The following SEMA3C variants were observed in gnomAD, a reference collection of about 807,000 sequenced individuals.
The protein encoded by SEMA3C is semaphorin-3C.
In SEMA3C, 47 loss-of-function variants were observed where a neutral mutation model predicts 89.4. The observed-to-expected ratio is 0.53, with a 90% CI of 0.42 to 0.67. The LOEUF (loss-of-function observed/expected upper bound fraction) is 0.67. Ranked by LOEUF, SEMA3C falls within the 30% of genes least tolerant of loss-of-function variation. The probability of loss-of-function intolerance (pLI) is 0.00; values close to 1 mark genes in which losing one functional copy is unlikely to be tolerated. For synonymous variants in SEMA3C, 310 were observed against 320.2 expected, an observed-to-expected ratio of 0.97 and a Z score of 0.34; for missense variants, 839 against 929.1, an observed-to-expected ratio of 0.90 and a Z score of 1.26.
intron 2 of SEMA3C, among the ~76,000 whole-genome samples, chr7:80,868,772 A>G (rs917997138): frequency 1.3e-5 from 2 of 152,148 alleles, no homozygotes; most frequent in Non-Finnish European, 2.9e-5. Flanking sequence ...AGGAAACCAC[A>G]GCTGATTACT....
intron 10 of SEMA3C, among the ~76,000 whole-genome samples, chr7:80,799,759 CAGA>C (rs1348191016): frequency 1.3e-5 from 2 of 151,684 alleles, no homozygotes; most frequent in East Asian, 1.9e-4. Context: ...GCGACCGAGG[CAGA>C]AGAACTGTTT....
intron 9 of SEMA3C, among the ~76,000 whole-genome samples, chr7:80,802,335 T>C (rs138732038): frequency 8.9e-4 from 136 of 152,258 alleles, no homozygotes; most frequent in African/African-American, 3.1e-3. Flanking sequence ...TTAGATATTC[T>C]AATATACATG....
intron 5 of SEMA3C, among the ~76,000 whole-genome samples, chr7:80,812,821 C>T (rs1789500099): frequency 1.3e-5 from 2 of 152,118 alleles, no homozygotes; most frequent in Admixed American, 1.3e-4. Flanking sequence ...GGGTCTAGCT[C>T]TGTCACCTGG....
chr7:80,791,238 G>T (rs1167362078), intron 11 of SEMA3C, among the ~76,000 whole-genome samples: 2 of 152,084 alleles, frequency 1.3e-5, no homozygotes, highest in African/African-American at 4.8e-5. Flanking sequence ...GGTAGGCTGG[G>T]AACTGCTGAA....
At chr7:80,752,982 T>A (rs1032061064) in intron 15 of SEMA3C, among the ~76,000 whole-genome samples, 4 of 152,172 alleles carry the variant, frequency 2.6e-5, no homozygotes, top group Non-Finnish European at 5.9e-5. Flanking sequence ...ACACAGTAGA[T>A]ATTAAACTTA....
At chr7:80,900,195 G>C (rs1433003557) in intron 2 of SEMA3C, among the ~76,000 whole-genome samples, 1 of 151,656 alleles carries the variant, frequency 6.6e-6, no homozygotes, top group African/African-American at 2.4e-5. Flanking sequence ...CTCATTGCAA[G>C]CTCCACCTCC....
At chr7:80,884,159 GA>G (rs1188317714) in intron 2 of SEMA3C, among the ~76,000 whole-genome samples, 1 of 152,040 alleles carries the variant, frequency 6.6e-6, no homozygotes, top group Non-Finnish European at 1.5e-5. Flanking sequence ...AAATTTACCC[GA>G]TTTTATATGC....
chr7:80,832,358 T>G (rs1444144436), intron 2 of SEMA3C, among the ~76,000 whole-genome samples: 4 of 152,206 alleles, frequency 2.6e-5, no homozygotes, highest in African/African-American at 9.6e-5. Flanking sequence ...GAACTCAAAG[T>G]ATGTTCCACC....
At chr7:80,818,819 C>T (rs998732849) in intron 4 of SEMA3C, among the ~76,000 whole-genome samples, 1 of 152,126 alleles carries the variant, frequency 6.6e-6, no homozygotes, top group Non-Finnish European at 1.5e-5. Flanking sequence ...AGTATATTTG[C>T]ACCTCTTAAA....
intron 4 of SEMA3C, among the ~76,000 whole-genome samples, chr7:80,823,547 T>C (rs1562891880): frequency 1.3e-5 from 2 of 152,220 alleles, no homozygotes; most frequent in East Asian, 1.9e-4. Context: ...GACACAAAAA[T>C]ACTTCATACT....
At chr7:80,895,748 T>C (rs932130235) in intron 2 of SEMA3C, among the ~76,000 whole-genome samples, 1 of 152,128 alleles carries the variant, frequency 6.6e-6, no homozygotes, top group Non-Finnish European at 1.5e-5. Context: ...AAAAATCTTG[T>C]TAAAGATACA....
chr7:80,754,860 C>T (rs1394604908), intron 15 of SEMA3C, among the ~76,000 whole-genome samples: 1 of 152,010 alleles, frequency 6.6e-6, no homozygotes, highest in African/African-American at 2.4e-5. Flanking sequence ...TCACTGCAAT[C>T]TCCGCCACAA....
chr7:80,875,421 A>G (rs2189958), intron 2 of SEMA3C, among the ~76,000 whole-genome samples: 84,289 of 151,990 alleles, frequency 0.55, 25,384 homozygotes, highest in South Asian at 0.71. Flanking sequence ...TTAAAGACAC[A>G]TTTCTGGGAG....
intron 14 of SEMA3C, among the ~76,000 whole-genome samples, chr7:80,760,071 T>C (rs1048442291): frequency 2.6e-5 from 4 of 152,172 alleles, no homozygotes; most frequent in Admixed American, 6.5e-5. Flanking sequence ...TGGGAAACAC[T>C]GAGAAAGTTA....
At chr7:80,799,786 G>T (rs1053521575) in intron 10 of SEMA3C, among the ~76,000 whole-genome samples, 1 of 151,822 alleles carries the variant, frequency 6.6e-6, no homozygotes, top group Non-Finnish European at 1.5e-5. Context: ...TCCAGGAGGC[G>T]GAGGTTGCAG....
chr7:80,751,460 A>G, intron 15 of SEMA3C, 124 bp from the exon 16 acceptor site: 1 of 780,724 alleles, frequency 1.3e-6, no homozygotes, highest in Non-Finnish European at 2.1e-6. Flanking sequence ...AATTTTTTAA[A>G]AAGAGTTCTG....
intron 2 of SEMA3C, among the ~76,000 whole-genome samples, chr7:80,887,337 G>T (rs1330959358): frequency 2.6e-5 from 4 of 152,108 alleles, no homozygotes. Flanking sequence ...AGAAAAGCAC[G>T]ATTTATTGAA....
intron 2 of SEMA3C, among the ~76,000 whole-genome samples, chr7:80,905,367 C>T (rs1041680126): frequency 1.4e-5 from 2 of 147,662 alleles, no homozygotes; most frequent in African/African-American, 2.5e-5. Flanking sequence ...ACCAAGACCC[C>T]TACCACCACC....
chr7:80,762,812 C>A (rs1224714622), intron 13 of SEMA3C, among the ~76,000 whole-genome samples: 1 of 151,972 alleles, frequency 6.6e-6, no homozygotes. Flanking sequence ...AAACCCATTT[C>A]AAAAAATAAT....
Sources: allele counts gnomAD v4.1 joint callset (sites outside exome capture counted in the v4.1 genomes callset), GRCh38; gene constraint gnomAD v4.1.1; transcripts MANE v1.5; gene names NCBI Gene and HGNC (gene_info 2026-07-23, HGNC 2026-07-21).